FAT3: variants seen among roughly 807,000 people sequenced by gnomAD.
FAT3 encodes the protein FAT atypical cadherin 3, also known as protocadherin Fat 3.
A neutral mutation model predicts 310.2 loss-of-function variants in FAT3; 95 were observed. That is an observed-to-expected ratio of 0.31 (90% CI 0.26 to 0.36). The LOEUF is 0.36. FAT3 is among the 10% of genes least tolerant of loss of function. FAT3 has a pLI of 1.00. For synonymous variants in FAT3, 2,314 were observed against 2,192.9 expected (o/e 1.06, Z -1.54); for missense variants, 5,408 against 5,715.6 (o/e 0.95, Z 1.74).
At chr11:92,755,875 A>T (rs1347597610) in intron 4 of FAT3, among the ~76,000 whole-genome samples, 1 of 152,164 alleles carries the variant, frequency 6.6e-6, no homozygotes, top group Non-Finnish European at 1.5e-5. Context: ...TATTTGGTTG[A>T]TCTCCCAGTT....
At chr11:92,245,369 A>AT (rs1864858399) in intron 1 of FAT3, among the ~76,000 whole-genome samples, 2 of 152,130 alleles carry the variant, frequency 1.3e-5, no homozygotes, top group South Asian at 4.1e-4. Flanking sequence ...GAGGAACAGC[A>AT]TTAGGAGAAA....
At chr11:92,644,725 C>T (rs1240681742) in intron 3 of FAT3, among the ~76,000 whole-genome samples, 1 of 152,226 alleles carries the variant, frequency 6.6e-6, no homozygotes. Context: ...ATGCGCACTG[C>T]TGCCTTTTCA....
chr11:92,291,773 A>G (rs1165786247), intron 1 of FAT3, among the ~76,000 whole-genome samples: 2 of 152,106 alleles, frequency 1.3e-5, no homozygotes, highest in Non-Finnish European at 2.9e-5. Context: ...CATTCAGAAA[A>G]GCATGCAAAT....
At chr11:92,873,903 G>A (rs1009575122) in intron 22 of FAT3, among the ~76,000 whole-genome samples, 3 of 152,180 alleles carry the variant, frequency 2.0e-5, no homozygotes, top group African/African-American at 7.2e-5. Context: ...GAACTGGCAT[G>A]AAGTGCATCT....
chr11:92,262,946 C>T (rs1164363016), intron 1 of FAT3, among the ~76,000 whole-genome samples: 1 of 151,928 alleles, frequency 6.6e-6, no homozygotes, highest in African/African-American at 2.4e-5. Context: ...GTAGGTATTT[C>T]TCTTTAGCCC....
At chr11:92,756,423 G>A (rs1377125126) in intron 4 of FAT3, among the ~76,000 whole-genome samples, 2 of 152,164 alleles carry the variant, frequency 1.3e-5, no homozygotes, top group South Asian at 4.1e-4. Context: ...CCAAAGATAG[G>A]AGCAGACCAC....
intron 3 of FAT3, among the ~76,000 whole-genome samples, chr11:92,650,095 G>A (rs1033692834): frequency 7.2e-6 from 1 of 139,008 alleles, no homozygotes; most frequent in African/African-American, 2.7e-5. Flanking sequence ...TAGGTCTATA[G>A]GAGCTGATTG....
chr11:92,466,777 C>T (rs1368728139), intron 2 of FAT3, among the ~76,000 whole-genome samples: 2 of 138,830 alleles, frequency 1.4e-5, no homozygotes, highest in Non-Finnish European at 3.0e-5. Context: ...GTTCCGCTTC[C>T]TGTGTCCATG....
intron 3 of FAT3, among the ~76,000 whole-genome samples, chr11:92,573,580 A>G (rs1166328328): frequency 2.0e-5 from 3 of 152,160 alleles, no homozygotes; most frequent in African/African-American, 7.2e-5. Context: ...TTGATTTAAG[A>G]TGGGTTGTAA....
intron 3 of FAT3, among the ~76,000 whole-genome samples, chr11:92,575,864 G>A (rs1938456040): frequency 6.6e-6 from 1 of 152,032 alleles, no homozygotes; most frequent in African/African-American, 2.4e-5. Context: ...TTGAGACTAG[G>A]AATAGAAAGG....
chr11:92,582,170 A>G (rs1938840179), intron 3 of FAT3, among the ~76,000 whole-genome samples: 1 of 151,186 alleles, frequency 6.6e-6, no homozygotes, highest in Non-Finnish European at 1.5e-5. Context: ...TCTTGTCACC[A>G]TCTTCGTCTT....
chr11:92,313,269 C>T lies in FAT3; in HGVS notation c.-17-38827C>T, dbSNP rs60582979. 3.3e-5 allele frequency among the ~76,000 whole-genome samples: 5 copies of T among 152,254 alleles called. No individual in the cohort carries two copies. The East Asian group carries it at 9.7e-4, about 29-fold the overall frequency. ...CAAAAATGCACCCATGTTTTAGGAGCCCCACCCATCCACATCTGGGACTAC... is the reference window on the plus strand; with the variant it reads ...CAAAAATGCACCCATGTTTTAGGAGTCCCACCCATCCACATCTGGGACTAC... On this transcript the variant is annotated intron_variant, in intron 1 of 27. Transcript: ENST00000525166.
rs776813948 is a variant in FAT3 at position 92,762,051 on chromosome 11, G to A, written c.3865G>A (p.Ala1289Thr). The change falls in exon 5 of 28, where the codon GCA (alanine) becomes ACA (threonine). Residue 1289 changes from alanine (A) to threonine (T), a missense_variant. Around this residue, in one of 5 missense-constraint regions of FAT3, gnomAD observed 4,588 missense variants for 4,809.8 expected, o/e 0.95. Transcript: ENST00000525166. ...FAFDRDEGPN[A>T]EISYSIVDGN... The stretch of plus-strand genomic sequence containing the variant: ...ATTTGATAGAGATGAGGGCCCCAAC[G>A]CAGAAATCTCCTACAGTATTGTGGA... 39 of 1,613,834 alleles carry A rather than the reference G, an allele frequency of 2.4e-5. No homozygotes were observed. Among genetic ancestry groups the A allele is most frequent in the Non-Finnish European group, 2.8e-5 (33 of 1,179,882 alleles).
intron 3 of FAT3, among the ~76,000 whole-genome samples, chr11:92,542,720 A>C (rs139781295): frequency 6.6e-6 from 1 of 152,230 alleles, no homozygotes; most frequent in East Asian, 1.9e-4. Flanking sequence ...ACTATTATGC[A>C]CTGTTGATGA....
At chr11:92,295,953 C>T (rs1293873918) in intron 1 of FAT3, among the ~76,000 whole-genome samples, 2 of 152,110 alleles carry the variant, frequency 1.3e-5, no homozygotes, top group Admixed American at 1.3e-4. Flanking sequence ...GCACATGCAG[C>T]CGCCACCAGG....
intron 4 of FAT3, among the ~76,000 whole-genome samples, chr11:92,721,354 C>T (rs1312152069): frequency 2.0e-5 from 3 of 152,120 alleles, no homozygotes; most frequent in Non-Finnish European, 1.5e-5. Context: ...GAGTGCCCAA[C>T]TCTGTAAATA....
intron 3 of FAT3, among the ~76,000 whole-genome samples, chr11:92,651,179 A>T (rs1942367693): frequency 6.6e-6 from 1 of 152,238 alleles, no homozygotes; most frequent in Non-Finnish European, 1.5e-5. Flanking sequence ...TACTGTTCAC[A>T]AAAGAGTCTG....
chr11:92,846,234 G>A (rs1349696091), intron 19 of FAT3, among the ~76,000 whole-genome samples: 2 of 152,096 alleles, frequency 1.3e-5, no homozygotes, highest in Non-Finnish European at 2.9e-5. Context: ...AACTATACCA[G>A]CTAATTAATC....
chr11:92,227,342 T>C (rs1033619307), intron 1 of FAT3, among the ~76,000 whole-genome samples: 3 of 152,146 alleles, frequency 2.0e-5, no homozygotes, highest in Non-Finnish European at 4.4e-5. Flanking sequence ...CCTGGCTTTG[T>C]TGCTAGGATT....
Sources: allele counts gnomAD v4.1 joint callset (sites outside exome capture counted in the v4.1 genomes callset), GRCh38; gene constraint gnomAD v4.1.1; regional missense constraint gnomAD v4.1.1; transcripts MANE v1.5; gene names NCBI Gene and HGNC (gene_info 2026-07-23, HGNC 2026-07-21).